LGR4: variants seen among roughly 807,000 people sequenced by gnomAD.
The protein encoded by LGR4 is leucine rich repeat containing G protein-coupled receptor 4, also known as leucine-rich repeat-containing G protein-coupled receptor 4.
Under a neutral mutation model 84.8 loss-of-function variants are expected in LGR4, and 44 were observed. That is an observed-to-expected ratio of 0.52 (90% CI 0.41 to 0.67). LGR4 has a LOEUF of 0.67. Ranked by LOEUF, LGR4 falls within the 30% of genes least tolerant of loss-of-function variation. The pLI is 0.00. For missense variants in LGR4, 1,032 were observed against 1,131.4 expected (o/e 0.91, Z 1.26); for synonymous variants, 429 against 434.3 (o/e 0.99, Z 0.15).
rs932056961 is a variant in LGR4, at chr11:27,424,622, C to T, written c.186-11762G>A. 2.6e-5 allele frequency among the ~76,000 whole-genome samples: 4 copies of T among 152,324 alleles called. No individual in the cohort carries two copies. The South Asian group carries it at 8.3e-4, about 32-fold the overall frequency. On this transcript the variant is annotated intron_variant, in intron 1 of 17. Transcript: ENST00000379214. ...GAGAAACCCCACGGAGCTCACGGAGCTCATCACAGAAAGAAGGCCACATCA... is the reference window on the plus strand; with the variant it reads ...GAGAAACCCCACGGAGCTCACGGAGTTCATCACAGAAAGAAGGCCACATCA...
At position 27,368,701 on chromosome 11, in the gene LGR4, T is replaced by C. The variant is rs1337628868; in HGVS notation, c.2022A>G (p.Thr674=). ...VAALLAFLGA[T]VAGCFPLFHR... is the part of the protein sequence containing the mutation. ...GGAAAAGGGGAAAACAGCCTGCTAC[T>C]GTAGCACCTAGGAAAGCCAAAAGGG... The change falls in exon 18 of 18, where the codon ACA becomes ACG. Residue 674 remains threonine, a synonymous_variant. Transcript: ENST00000379214. 1.2e-6 allele frequency: 2 copies of C among 1,613,726 alleles called. No individual in the cohort carries two copies. Among genetic ancestry groups the C allele is most frequent in the South Asian group, 1.1e-5 (1 of 90,982 alleles).
At chr11:27,430,103 G>A (rs1200541515) in intron 1 of LGR4, among the ~76,000 whole-genome samples, 1 of 151,940 alleles carries the variant, frequency 6.6e-6, no homozygotes, top group Non-Finnish European at 1.5e-5. Context: ...CACATCGAAC[G>A]TACTCCTCTC....
At chr11:27,401,984 T>A (rs898129942) in intron 2 of LGR4, among the ~76,000 whole-genome samples, 12 of 152,200 alleles carry the variant, frequency 7.9e-5, no homozygotes, top group African/African-American at 2.9e-4. Context: ...GAAGGCTTCA[T>A]ATGGCAGAAA....
At chr11:27,442,116 A>G (rs1476357355) in intron 1 of LGR4, among the ~76,000 whole-genome samples, 1 of 152,206 alleles carries the variant, frequency 6.6e-6, no homozygotes, top group African/African-American at 2.4e-5. Flanking sequence ...TCTTCAGAGA[A>G]GAGCTAGTGA....
intron 2 of LGR4, among the ~76,000 whole-genome samples, chr11:27,408,853 C>T (rs1863659405): frequency 1.3e-5 from 2 of 152,128 alleles, no homozygotes; most frequent in Admixed American, 6.6e-5. Flanking sequence ...ATAAATTATC[C>T]CATATTTCCT....
chr11:27,450,266 C>T (rs2133442940), intron 1 of LGR4, among the ~76,000 whole-genome samples: 1 of 152,314 alleles, frequency 6.6e-6, no homozygotes, highest in East Asian at 1.9e-4. Flanking sequence ...CAACATTCAA[C>T]AAGCCTTATA....
intron 1 of LGR4, among the ~76,000 whole-genome samples, chr11:27,459,480 C>CTT (rs1006316656): frequency 4.2e-5 from 6 of 141,732 alleles, no homozygotes; most frequent in South Asian, 2.3e-4. Context: ...AGGGCAAATT[C>CTT]TTTTTTTTTT....
rs745547109 is a variant in LGR4 at position 27,378,673 on chromosome 11, GA to G, written c.1043+23del. Reference sequence around the variant, plus strand: ...AATATATAAACAAAAGGTATGAGGGGAAGGGAAGAAGAATCCAACTTACAAA... The same window carrying G: ...AATATATAAACAAAAGGTATGAGGGGAGGGAAGAAGAATCCAACTTACAAA... On this transcript the variant is annotated intron_variant, in intron 11 of 17. Coordinates refer to ENST00000379214, the MANE Select transcript of LGR4 (RefSeq NM_018490.5). 2.0e-6 allele frequency: 3 copies of G among 1,481,214 alleles called. No homozygotes were observed. The Admixed American group carries it at 5.1e-5, about 25-fold the overall frequency. 91.8% of individuals were successfully genotyped at this position (1,481,214 alleles called of 1,614,324 possible).
intron 1 of LGR4, among the ~76,000 whole-genome samples, chr11:27,427,221 C>T (rs1038439761): frequency 6.6e-6 from 1 of 152,172 alleles, no homozygotes. Context: ...AAAAAACTCA[C>T]AGCTTTTCTG....
Position 27,403,949 on chromosome 11 carries a change from G to A in LGR4, c.257+8840C>T, listed in dbSNP as rs76321558. Among the ~76,000 whole-genome samples, 146 of 152,192 alleles carry A rather than the reference G, an allele frequency of 9.6e-4. No individual in the cohort carries two copies. In the East Asian group the frequency reaches 0.028, roughly 29 times the overall value. ...CCAAACTAACAGGTAGTGAACAGGG[G>A]AAAATGATGAACAAATTCTAAGTCA... On this transcript the variant is annotated intron_variant, in intron 2 of 17. Coordinates refer to ENST00000379214, the MANE Select transcript of LGR4 (RefSeq NM_018490.5).
rs1862765329 is a variant in LGR4, at chr11:27,366,350, C to A, written c.*1517G>T. ...ATTTACAATGCAAAAAGTATATAAA[C>A]CACAATTTAACAGTCTGCTACTGGC... On this transcript the variant is annotated 3_prime_UTR_variant, in exon 18 of 18. Coordinates refer to ENST00000379214, the MANE Select transcript of LGR4 (RefSeq NM_018490.5). 6.6e-6 allele frequency: 1 copy of A among 152,462 alleles called. No individual in the cohort carries two copies. The highest frequency in any genetic ancestry group is 1.5e-5 in the Non-Finnish European group (1 of 67,952). 9.4% of individuals were successfully genotyped at this position (152,462 alleles called of 1,614,324 possible). A position where few individuals can be genotyped will look rare whatever the true frequency, so the allele number is the denominator to read the frequency against.
chr11:27,402,967 G>T (rs1863532578), intron 2 of LGR4, among the ~76,000 whole-genome samples: 1 of 152,114 alleles, frequency 6.6e-6, no homozygotes, highest in East Asian at 1.9e-4. Context: ...AGCAGCTCCA[G>T]GTCACCAGGC....
intron 1 of LGR4, among the ~76,000 whole-genome samples, chr11:27,425,683 A>C (rs943279713): frequency 6.6e-6 from 1 of 152,140 alleles, no homozygotes; most frequent in Non-Finnish European, 1.5e-5. Context: ...ATGGACAGTA[A>C]ATGAACTGAC....
At chr11:27,392,671 A>T (rs909609365) in intron 2 of LGR4, among the ~76,000 whole-genome samples, 153 bp from the exon 3 acceptor site, 4 of 152,230 alleles carry the variant, frequency 2.6e-5, no homozygotes, top group Non-Finnish European at 5.9e-5. Context: ...CCTTGCTAAA[A>T]TGATCCTGTG....
intron 1 of LGR4, among the ~76,000 whole-genome samples, chr11:27,450,034 C>T (rs535455803): frequency 2.0e-5 from 3 of 152,284 alleles, no homozygotes; most frequent in East Asian, 1.9e-4. Context: ...AAAACGCTTT[C>T]GTTAAGTCTG....
chr11:27,410,706 A>G (rs78233985), intron 2 of LGR4, among the ~76,000 whole-genome samples: 2,644 of 152,226 alleles, frequency 0.017, 84 homozygotes, highest in African/African-American at 0.059. Flanking sequence ...GACTATTTTG[A>G]AGTATTCTTT....
chr11:27,457,856 A>C (rs1409222522), intron 1 of LGR4, among the ~76,000 whole-genome samples: 4 of 152,168 alleles, frequency 2.6e-5, no homozygotes, highest in African/African-American at 9.7e-5. Flanking sequence ...GGCCAGGCAC[A>C]GTGGCTCACA....
At chr11:27,429,405 C>A (rs1023038441) in intron 1 of LGR4, among the ~76,000 whole-genome samples, 2 of 151,848 alleles carry the variant, frequency 1.3e-5, no homozygotes, top group South Asian at 4.2e-4. Context: ...GAATCACGAA[C>A]CCTGGAGGCG....
At chr11:27,433,221 T>C (rs773545330) in intron 1 of LGR4, among the ~76,000 whole-genome samples, 1 of 152,088 alleles carries the variant, frequency 6.6e-6, no homozygotes, top group Non-Finnish European at 1.5e-5. Flanking sequence ...CTTTCTTTTT[T>C]TATTTTTTTG....
Sources: gnomAD v4.1 joint callset for allele counts (sites outside exome capture counted in the v4.1 genomes callset) on GRCh38, gnomAD v4.1.1 for gene constraint, MANE v1.5 for transcripts, NCBI Gene and HGNC (gene_info 2026-07-23, HGNC 2026-07-21) for gene names.